Variants in EMSY observed in about 807,000 individuals in gnomAD.
EMSY encodes BRCA2-interacting transcriptional repressor EMSY.
A neutral mutation model predicts 134.6 loss-of-function variants in EMSY; 26 were observed. That is an observed-to-expected ratio of 0.19 (90% CI 0.14 to 0.27). The LOEUF is 0.27. EMSY is among the 10% of genes least tolerant of loss of function. The pLI is 1.00. For missense variants in EMSY, 1,305 were observed against 1,611.4 expected, an observed-to-expected ratio of 0.81 and a Z score of 3.26; for synonymous variants, 579 against 577.8, an observed-to-expected ratio of 1.00 and a Z score of -0.03.
exon 9 of EMSY, chr11:76,496,436 A>G: frequency 2.5e-6 from 4 of 1,614,144 alleles, no homozygotes; most frequent in Non-Finnish European, 3.4e-6. Flanking sequence ...GCCACCTGGT[A>G]TTAAACCTAC....
intron 7 of EMSY, among the ~76,000 whole-genome samples, chr11:76,469,109 A>G (rs754853465): frequency 1.3e-5 from 2 of 152,306 alleles, no homozygotes; most frequent in East Asian, 1.9e-4. Context: ...TCTGTAACCT[A>G]AAATATGCTC....
At chr11:76,496,234 C>A in exon 9 of EMSY, 1 of 1,613,882 alleles carries the variant, frequency 6.2e-7, no homozygotes, top group South Asian at 1.1e-5. Context: ...CATCAGCAAT[C>A]AAAATGGCAT....
At chr11:76,536,106 ACGGGTT>A (rs766112957) in intron 15 of EMSY, 47 bp downstream of exon 16, 1 of 1,305,532 alleles carries the variant, frequency 7.7e-7, no homozygotes, top group South Asian at 2.3e-5. Flanking sequence ...TTCTCTAGAG[ACGGGTT>A]GTGCTAAAAT....
Position 76,484,884 on chromosome 11 carries a change from G to A in EMSY, c.1109-11331G>A, listed in dbSNP as rs192142080. ...GGGAGGTGGAGGTAGTGGAGATTGC[G>A]CCATTGCACACCCAGCCTGGGTAAC... On this transcript the variant is annotated intron_variant, in intron 8 of 20. Coordinates refer to ENST00000334736, the Ensembl canonical transcript of EMSY. Among the ~76,000 whole-genome samples the A allele has an allele frequency of 2.4e-3, 352 of 149,322 alleles. 1 individual carries two copies. Among genetic ancestry groups the A allele is most frequent in the Non-Finnish European group, 4.0e-3 (269 of 67,604 alleles).
chr11:76,472,864 TTC>T, intron 8 of EMSY, 24 bp downstream of exon 9: 1 of 1,606,940 alleles, frequency 6.2e-7, no homozygotes, highest in Admixed American at 1.7e-5. Flanking sequence ...CACAATTTAA[TTC>T]TGTCACAGTT....
intron 2 of EMSY, among the ~76,000 whole-genome samples, chr11:76,450,198 T>C (rs1437489252): frequency 1.3e-5 from 2 of 152,162 alleles, no homozygotes; most frequent in Admixed American, 1.3e-4. Flanking sequence ...GTATATATAA[T>C]GGGACTCAAT....
intron 8 of EMSY, among the ~76,000 whole-genome samples, chr11:76,487,006 A>G (rs1949213136): frequency 6.6e-6 from 1 of 152,236 alleles, no homozygotes; most frequent in South Asian, 2.1e-4. Flanking sequence ...GGCTGGGTGC[A>G]GTGGCTCACG....
intron 8 of EMSY, among the ~76,000 whole-genome samples, chr11:76,495,177 A>G (rs1949601487): frequency 6.6e-6 from 1 of 152,226 alleles, no homozygotes. Flanking sequence ...TTTATCCTCC[A>G]TCTTTATCAT....
At chr11:76,513,330 A>G in intron 9 of EMSY, 56 bp from the exon 11 acceptor site, 1 of 1,572,334 alleles carries the variant, frequency 6.4e-7, no homozygotes, top group Non-Finnish European at 8.7e-7. Flanking sequence ...GGGTTGGTAT[A>G]AGGGACATGT....
chr11:76,544,849 G>A, intron 19 of EMSY, 27 bp downstream of exon 20: 1 of 1,574,462 alleles, frequency 6.4e-7, no homozygotes, highest in Non-Finnish European at 8.7e-7. Flanking sequence ...AGCATGCAAA[G>A]TTAAACTTCT....
chr11:76,547,645 C>T (rs1225522852), intron 20 of EMSY, among the ~76,000 whole-genome samples: 2 of 152,164 alleles, frequency 1.3e-5, no homozygotes, highest in Non-Finnish European at 2.9e-5. Flanking sequence ...TAGCACAGTA[C>T]GTGGCTCATA....
At chr11:76,456,681 G>A (rs1947886647) in intron 4 of EMSY, among the ~76,000 whole-genome samples, 3 of 152,118 alleles carry the variant, frequency 2.0e-5, no homozygotes, top group African/African-American at 7.2e-5. Context: ...GAAGTTTTAG[G>A]AATTCCCCTT....
At position 76,453,105 on chromosome 11, in the gene EMSY, A is replaced by G. The variant is rs75747442; in HGVS notation, c.171-209A>G. Among the ~76,000 whole-genome samples the G allele has an allele frequency of 3.9e-3, 593 of 152,272 alleles. 3 individuals carry two copies. The highest frequency in any genetic ancestry group is 6.1e-3 in the Non-Finnish European group (415 of 67,994). On this transcript the variant is annotated intron_variant, in intron 3 of 20. Coordinates refer to ENST00000334736, the Ensembl canonical transcript of EMSY. Reference sequence around the variant, plus strand: ...CTTATGATTTCTAATTTGCAACTAAATATTTCTTCAGTTACACAGAATTAG... The same window carrying G: ...CTTATGATTTCTAATTTGCAACTAAGTATTTCTTCAGTTACACAGAATTAG...
intron 10 of EMSY, among the ~76,000 whole-genome samples, chr11:76,514,598 T>C (rs546026184): frequency 6.6e-6 from 1 of 152,314 alleles, no homozygotes; most frequent in African/African-American, 2.4e-5. Context: ...TGCAGTAAAA[T>C]ATATATAACA....
intron 9 of EMSY, among the ~76,000 whole-genome samples, chr11:76,498,753 T>C (rs1646961334): frequency 6.6e-6 from 1 of 152,220 alleles, no homozygotes; most frequent in South Asian, 2.1e-4. Context: ...AGAACTATAC[T>C]GACTGGAGGG....
chr11:76,481,555 TG>T (rs1391990683), intron 8 of EMSY, among the ~76,000 whole-genome samples: 2 of 152,032 alleles, frequency 1.3e-5, no homozygotes, highest in African/African-American at 4.8e-5. Flanking sequence ...TCAAGCTTGG[TG>T]GGGGGAGGGG....
At chr11:76,513,338 T>A (rs1449871613) in intron 9 of EMSY, 48 bp from the exon 11 acceptor site, 2 of 1,592,472 alleles carry the variant, frequency 1.3e-6, no homozygotes, top group African/African-American at 2.7e-5. Context: ...ATAAGGGACA[T>A]GTATTTAAAA....
chr11:76,541,262 G>T (rs902611112), intron 17 of EMSY, among the ~76,000 whole-genome samples: 3 of 152,052 alleles, frequency 2.0e-5, no homozygotes. Context: ...AGTTGAAGCT[G>T]GTAAAATTTG....
At chr11:76,494,250 G>A (rs1949539755) in intron 8 of EMSY, among the ~76,000 whole-genome samples, 1 of 152,216 alleles carries the variant, frequency 6.6e-6, no homozygotes, top group South Asian at 2.1e-4. Flanking sequence ...CAGTGGGCAA[G>A]CAATACTCAG....
Sources: allele counts gnomAD v4.1 joint callset (sites outside exome capture counted in the v4.1 genomes callset), GRCh38; gene constraint gnomAD v4.1.1; transcripts MANE v1.5; gene names NCBI Gene and HGNC (gene_info 2026-07-23, HGNC 2026-07-21).